The following NEO1 variants were observed in gnomAD, a reference collection of about 807,000 sequenced individuals.
NEO1 encodes neogenin.
NEO1 carries 63 observed loss-of-function variants against 159.7 expected under a neutral mutation model. That is an observed-to-expected ratio of 0.39 (90% CI 0.32 to 0.49). NEO1 has a LOEUF of 0.49. NEO1 is among the 20% of genes least tolerant of loss of function. NEO1 has a pLI of 0.85. For synonymous variants in NEO1, 633 were observed against 662.0 expected (o/e 0.96, Z 0.67); for missense variants, 1,615 against 1,831.0 (o/e 0.88, Z 2.15).
At chr15:73,148,032 T>C (rs566020639) in intron 5 of NEO1, among the ~76,000 whole-genome samples, 5 of 152,098 alleles carry the variant, frequency 3.3e-5, no homozygotes. Flanking sequence ...AGGCTGTTCT[T>C]GAATTCCTCA....
rs369381005 is a variant in NEO1, at chr15:73,122,782, G to A, written c.706G>A (p.Glu236Lys). Residue 236 changes from glutamate (E) to lysine (K), a missense_variant, in exon 3 of 29, where the codon GAA becomes AAA. Physicochemically the swap from Glu to Lys is moderately conservative, Grantham distance 56. Transcript: ENST00000261908. ...GGPPKYSDEVELKVLPDPEVI... is the reference protein window; with the variant it reads ...GGPPKYSDEVKLKVLPDPEVI... ...GCCACCAAAGTATAGTGATGAAGTT[G>A]AATTGAAGGTTCTTCCAGGTATTAA... 99 of 1,614,022 alleles carry A rather than the reference G, an allele frequency of 6.1e-5. No individual in the cohort carries two copies. The highest frequency in any genetic ancestry group is 8.0e-5 in the Non-Finnish European group (94 of 1,179,978).
chr15:73,297,333 A>G (rs1321293218), intron 26 of NEO1, among the ~76,000 whole-genome samples: 1 of 152,180 alleles, frequency 6.6e-6, no homozygotes, highest in Non-Finnish European at 1.5e-5. Flanking sequence ...TACTTTGAGG[A>G]TCTAGTGAAC....
At chr15:73,062,007 T>G (rs2068004092) in intron 1 of NEO1, among the ~76,000 whole-genome samples, 1 of 152,376 alleles carries the variant, frequency 6.6e-6, no homozygotes, top group African/African-American at 2.4e-5. Flanking sequence ...AATGTCCCCA[T>G]TTGTGCACAT....
At chr15:73,214,914 T>G (rs766202971) in intron 7 of NEO1, among the ~76,000 whole-genome samples, 3 of 152,214 alleles carry the variant, frequency 2.0e-5, no homozygotes, top group Non-Finnish European at 2.9e-5. Flanking sequence ...TCCATGAGCA[T>G]GGGATGCATT....
intron 13 of NEO1, chr15:73,256,065 C>A (rs999000372): frequency 6.6e-6 from 1 of 152,132 alleles, no homozygotes; most frequent in African/African-American, 2.4e-5. Flanking sequence ...AATTTCATCA[C>A]CCTTTGGAAA....
At chr15:73,267,956 G>A (rs2040990506) in intron 16 of NEO1, among the ~76,000 whole-genome samples, 1 of 152,120 alleles carries the variant, frequency 6.6e-6, no homozygotes, top group Admixed American at 6.5e-5. Flanking sequence ...GCATAATTGT[G>A]CAGATTTGGT....
intron 5 of NEO1, among the ~76,000 whole-genome samples, chr15:73,136,730 C>T (rs2031802449): frequency 6.6e-6 from 1 of 152,122 alleles, no homozygotes; most frequent in Non-Finnish European, 1.5e-5. Flanking sequence ...GATGGCATGA[C>T]TACATAGTCT....
intron 2 of NEO1, 57 bp from the exon 3 acceptor site, chr15:73,122,468 A>G: frequency 6.5e-7 from 1 of 1,529,984 alleles, no homozygotes; most frequent in South Asian, 1.3e-5. Context: ...CTCCCAAGAC[A>G]AAATTTTAAA....
At chr15:73,237,261 T>C (rs2150862773) in intron 8 of NEO1, among the ~76,000 whole-genome samples, 1 of 152,332 alleles carries the variant, frequency 6.6e-6, no homozygotes, top group South Asian at 2.1e-4. Flanking sequence ...ATAGAGCATT[T>C]CCCTTGTACG....
intron 25 of NEO1, among the ~76,000 whole-genome samples, chr15:73,289,748 G>A (rs373162426): frequency 6.6e-6 from 1 of 152,224 alleles, no homozygotes; most frequent in East Asian, 1.9e-4. Flanking sequence ...TTCTAGACCA[G>A]CCTGGGCAAT....
At chr15:73,142,160 T>A (rs1266518342) in intron 5 of NEO1, among the ~76,000 whole-genome samples, 1 of 152,182 alleles carries the variant, frequency 6.6e-6, no homozygotes, top group Non-Finnish European at 1.5e-5. Context: ...TCATATGTGA[T>A]GTTGTGGGGA....
At chr15:73,190,618 G>C (rs992132411) in intron 7 of NEO1, among the ~76,000 whole-genome samples, 5 of 152,144 alleles carry the variant, frequency 3.3e-5, no homozygotes, top group Non-Finnish European at 7.4e-5. Context: ...GCAGGAAATT[G>C]TTACTCATTA....
In NEO1 at chr15:73,202,778, C is replaced by A. The variant is rs118086472; in HGVS notation, c.1291+24351C>A. Among the ~76,000 whole-genome samples, 707 of 152,278 alleles carry A rather than the reference C, an allele frequency of 4.6e-3. 9 individuals carry two copies. In the East Asian group the frequency reaches 0.047, roughly 10 times the overall value. ...TCTTGCAAAACTGAAACTCTGTGCC[C>A]ATTCAACAAAGACTCCACATCCTTC... On this transcript the variant is annotated intron_variant, in intron 7 of 28. Coordinates refer to ENST00000261908, the MANE Select transcript of NEO1 (RefSeq NM_002499.4).
chr15:73,242,050 TCGTACA>T (rs2039514232), intron 8 of NEO1, among the ~76,000 whole-genome samples: 1 of 152,178 alleles, frequency 6.6e-6, no homozygotes, highest in African/African-American at 2.4e-5. Context: ...CGTGCTTCTG[TCGTACA>T]CGAACATGAA....
intron 10 of NEO1, 97 bp downstream of exon 10, chr15:73,249,305 G>A (rs898217614): frequency 9.8e-6 from 13 of 1,322,416 alleles, no homozygotes; most frequent in Admixed American, 4.4e-5. Context: ...AATGTGAGGG[G>A]GAAAAAGAAA....
chr15:73,126,903 T>C (rs1327631113), intron 4 of NEO1, among the ~76,000 whole-genome samples: 3 of 152,108 alleles, frequency 2.0e-5, no homozygotes, highest in Non-Finnish European at 4.4e-5. Context: ...CTCATATGCA[T>C]TTTTTTGATA....
intron 1 of NEO1, among the ~76,000 whole-genome samples, chr15:73,062,206 C>T (rs1244210069): frequency 6.6e-6 from 1 of 151,882 alleles, no homozygotes; most frequent in East Asian, 1.9e-4. Flanking sequence ...AGTCTTTTTG[C>T]CAATTTGATA....
Position 73,078,569 on chromosome 15 carries a change from G to A in NEO1, c.130+25764G>A, listed in dbSNP as rs138040288. 4.3e-3 allele frequency among the ~76,000 whole-genome samples: 649 copies of A among 152,358 alleles called. 4 individuals are homozygous for A. The highest frequency in any genetic ancestry group is 7.2e-3 in the Non-Finnish European group (493 of 68,028). On this transcript the variant is annotated intron_variant, in intron 1 of 28. Coordinates refer to ENST00000261908, the MANE Select transcript of NEO1 (RefSeq NM_002499.4). Reference sequence around the variant, plus strand: ...TGCTAAATAAGAGGTCTAACACACAGTAAAGTGTTCTTAAAAGATTTTAGG... The same window carrying A: ...TGCTAAATAAGAGGTCTAACACACAATAAAGTGTTCTTAAAAGATTTTAGG...
In NEO1 at chr15:73,158,638, C is replaced by A. The variant is rs1024272817; in HGVS notation, c.1016-17765C>A. Among the ~76,000 whole-genome samples, 96 of 152,238 alleles carry A rather than the reference C, an allele frequency of 6.3e-4. 1 individual carries two copies. The highest frequency in any genetic ancestry group is 2.3e-3 in the African/African-American group (94 of 41,548). On this transcript the variant is annotated intron_variant, in intron 5 of 28. Transcript: ENST00000261908. ...ATCCTGGCCTCAAGCATTCCTTCTG[C>A]CTTGGCCTTCCAAAATTCTGGGATT...
Sources: gnomAD v4.1 joint callset for allele counts (sites outside exome capture counted in the v4.1 genomes callset) on GRCh38, gnomAD v4.1.1 for gene constraint, MANE v1.5 for transcripts, NCBI Gene and HGNC (gene_info 2026-07-23, HGNC 2026-07-21) for gene names.